Variants in FILIP1 observed in about 807,000 individuals in gnomAD.
The protein encoded by FILIP1 is filamin-A-interacting protein 1.
In FILIP1, 61 loss-of-function variants were observed where a neutral mutation model predicts 102.1. The observed-to-expected ratio is 0.60, with a 90% CI of 0.49 to 0.74. The LOEUF is 0.74. Ranked by LOEUF, FILIP1 falls within the 30% of genes least tolerant of loss-of-function variation. The pLI is 0.00. For missense variants in FILIP1, 1,314 were observed against 1,441.2 expected, an observed-to-expected ratio of 0.91 and a Z score of 1.43; for synonymous variants, 491 against 526.9, an observed-to-expected ratio of 0.93 and a Z score of 0.93.
rs910957863 is a variant in FILIP1, at chr6:75,315,221, C to T, written c.630-19G>A. 3 of 1,464,998 alleles carry T rather than the reference C, an allele frequency of 2.0e-6. No homozygotes were observed. Among genetic ancestry groups the T allele is most frequent in the African/African-American group, 1.4e-5 (1 of 69,926 alleles). The allele number at this position is 1,464,998 out of a possible 1,614,324, so 90.7% of individuals were successfully genotyped here. A position where few individuals can be genotyped will look rare whatever the true frequency, so the allele number is the denominator to read the frequency against. ...TTTTAACCTAGAAAATAAAATATAC[C>T]TATATGTTAAAAGAGTAATCAGCAA... On this transcript the variant is annotated intron_variant, in intron 4 of 5. Transcript: ENST00000237172.
chr6:75,312,424 CGTT>C lies in FILIP1; in HGVS notation c.3405_3407del (p.Thr1136del). The C allele has an allele frequency of 1.2e-6, 2 of 1,613,924 alleles. No individual in the cohort carries two copies. Among genetic ancestry groups the C allele is most frequent in the Non-Finnish European group, 1.7e-6 (2 of 1,179,936 alleles). On this transcript the variant is annotated inframe_deletion, in exon 5 of 6. Transcript: ENST00000237172. ...CTGACTGGGTTCCTCGAGCAGATGA[CGTT>C]GTGACCGGTGTTATGGTGATAGTGC...
At chr6:75,323,119 C>T (rs1773718871) in intron 4 of FILIP1, among the ~76,000 whole-genome samples, 1 of 151,902 alleles carries the variant, frequency 6.6e-6, no homozygotes, top group Admixed American at 6.6e-5. Context: ...TTATTTTTTG[C>T]CATTTAGAAA....
chr6:75,392,043 T>C (rs1217292650), intron 2 of FILIP1, among the ~76,000 whole-genome samples: 1 of 152,148 alleles, frequency 6.6e-6, no homozygotes, highest in Non-Finnish European at 1.5e-5. Flanking sequence ...ACTTTGGATC[T>C]TTCTCTCTGC....
intron 1 of FILIP1, among the ~76,000 whole-genome samples, chr6:75,429,072 T>C (rs1322825583): frequency 6.7e-6 from 1 of 149,846 alleles, no homozygotes; most frequent in African/African-American, 2.5e-5. Context: ...TTGCACTATG[T>C]TTTTTTGTTA....
At chr6:75,380,839 AAAAAATACATGTGAAG>A (rs1428133873) in intron 2 of FILIP1, among the ~76,000 whole-genome samples, 1 of 152,146 alleles carries the variant, frequency 6.6e-6, no homozygotes, top group Non-Finnish European at 1.5e-5. Flanking sequence ...GCAATTATGG[AAAAAATACATGTGAAG>A]AAAAATACCC....
intron 1 of FILIP1, among the ~76,000 whole-genome samples, chr6:75,488,134 A>T (rs185766953): frequency 1.3e-5 from 2 of 152,156 alleles, no homozygotes; most frequent in East Asian, 3.9e-4. Flanking sequence ...AAAAACCCAA[A>T]CTTTCTTTTG....
chr6:75,297,473 T>C (rs1468334641), intron 6 of FILIP1, among the ~76,000 whole-genome samples: 1 of 152,168 alleles, frequency 6.6e-6, no homozygotes, highest in African/African-American at 2.4e-5. Context: ...CTATAGAATG[T>C]CTTATATACC....
intron 1 of FILIP1, among the ~76,000 whole-genome samples, chr6:75,439,500 A>G (rs919995457): frequency 3.9e-5 from 6 of 152,252 alleles, no homozygotes; most frequent in Non-Finnish European, 7.3e-5. Context: ...TTAAAATATG[A>G]AGGAGGGCAG....
intron 1 of FILIP1, among the ~76,000 whole-genome samples, chr6:75,479,292 A>G (rs994545094): frequency 2.0e-5 from 3 of 151,920 alleles, no homozygotes; most frequent in African/African-American, 7.3e-5. Flanking sequence ...AAATATCCTT[A>G]TTTTTCTTCT....
At chr6:75,431,941 C>G (rs1777837256) in intron 1 of FILIP1, among the ~76,000 whole-genome samples, 1 of 152,148 alleles carries the variant, frequency 6.6e-6, no homozygotes, top group South Asian at 2.1e-4. Flanking sequence ...CATGAATTGT[C>G]TAAAAATAAA....
intron 4 of FILIP1, among the ~76,000 whole-genome samples, chr6:75,336,127 G>A (rs1159563850): frequency 6.6e-6 from 1 of 152,090 alleles, no homozygotes; most frequent in Admixed American, 6.5e-5. Context: ...ATATGGATGG[G>A]GAAACTGACA....
At chr6:75,452,731 C>A (rs533009151) in intron 1 of FILIP1, among the ~76,000 whole-genome samples, 1 of 152,200 alleles carries the variant, frequency 6.6e-6, no homozygotes, top group East Asian at 1.9e-4. Context: ...TTCAGAAGGA[C>A]AAAATGTGAA....
chr6:75,462,664 CA>C (rs1012274773), intron 1 of FILIP1, among the ~76,000 whole-genome samples: 3 of 151,946 alleles, frequency 2.0e-5, no homozygotes, highest in Non-Finnish European at 4.4e-5. Flanking sequence ...GCTGCTTCAA[CA>C]AATTTCTTTC....
chr6:75,386,954 A>G (rs757315191), intron 2 of FILIP1, among the ~76,000 whole-genome samples: 1 of 152,032 alleles, frequency 6.6e-6, no homozygotes, highest in Non-Finnish European at 1.5e-5. Context: ...CCAACCCATC[A>G]TCTACATTAG....
At position 75,318,080 on chromosome 6, in the gene FILIP1, C is replaced by CT. The variant is rs575314151; in HGVS notation, c.630-2879dup. Among the ~76,000 whole-genome samples the CT allele has an allele frequency of 8.6e-5, 13 of 151,128 alleles. No individual in the cohort carries two copies. The South Asian group carries it at 1.1e-3, about 12-fold the overall frequency. On this transcript the variant is annotated intron_variant, in intron 4 of 5. Transcript: ENST00000237172. ...TCTGCTTAGTATTTCCTCCCTGCTC[C>CT]TTTTTTTTTCATCCTGTCACACGTC...
Position 75,308,181 on chromosome 6 carries a change from G to A in FILIP1, c.*510C>T. On this transcript the variant is annotated 3_prime_UTR_variant, in exon 6 of 6. Coordinates refer to ENST00000237172, the MANE Select transcript of FILIP1 (RefSeq NM_015687.5). ...GTTTTTGCAAAATTTTAGAGGTCCA[G>A]GCCCTGTGATAGCTATGTGATGTTT... The A allele has an allele frequency of 1.0e-6, 1 of 987,588 alleles. No individual in the cohort carries two copies. Among genetic ancestry groups the A allele is most frequent in the Middle Eastern group, 5.2e-4 (1 of 1,916 alleles). 61.2% of individuals were successfully genotyped at this position (987,588 alleles called of 1,614,324 possible).
chr6:75,317,154 T>A (rs1166781501), intron 4 of FILIP1, among the ~76,000 whole-genome samples: 1 of 152,218 alleles, frequency 6.6e-6, no homozygotes, highest in Non-Finnish European at 1.5e-5. Flanking sequence ...TTTCTAACTG[T>A]GTAATCTCTG....
intron 1 of FILIP1, among the ~76,000 whole-genome samples, chr6:75,466,507 C>T (rs556765096): frequency 8.5e-5 from 13 of 152,344 alleles, no homozygotes; most frequent in South Asian, 2.1e-4. Flanking sequence ...TTCCAAACAA[C>T]GTTATTGATC....
chr6:75,393,076 C>T (rs1776335094), intron 2 of FILIP1, among the ~76,000 whole-genome samples: 1 of 152,168 alleles, frequency 6.6e-6, no homozygotes, highest in Non-Finnish European at 1.5e-5. Flanking sequence ...TTACACAAAG[C>T]TGCCTAGTTT....
Sources: gnomAD v4.1 joint callset for allele counts (sites outside exome capture counted in the v4.1 genomes callset) on GRCh38, gnomAD v4.1.1 for gene constraint, MANE v1.5 for transcripts, NCBI Gene and HGNC (gene_info 2026-07-23, HGNC 2026-07-21) for gene names.